The following STK38 variants were observed in gnomAD, a reference collection of about 807,000 sequenced individuals.
STK38 encodes serine/threonine-protein kinase 38.
In STK38, 26 loss-of-function variants were observed where a neutral mutation model predicts 59.0. That is an observed-to-expected ratio of 0.44 (90% CI 0.32 to 0.61). The LOEUF is 0.61. Among genes scored for constraint, STK38 ranks in the 20% least tolerant of loss-of-function variants. STK38 has a pLI of 0.04. For synonymous variants in STK38, 175 were observed against 176.6 expected (o/e 0.99, Z 0.07); for missense variants, 433 against 566.0 (o/e 0.76, Z 2.38).
At chr6:36,504,719 T>C (rs1041097221) in intron 9 of STK38, among the ~76,000 whole-genome samples, 1 of 151,362 alleles carries the variant, frequency 6.6e-6, no homozygotes, top group Non-Finnish European at 1.5e-5. Flanking sequence ...AATACGAAAA[T>C]TGTGAAATTG....
At chr6:36,545,922 G>A (rs578132211) in intron 1 of STK38, among the ~76,000 whole-genome samples, 3 of 152,288 alleles carry the variant, frequency 2.0e-5, no homozygotes, top group Non-Finnish European at 2.9e-5. Flanking sequence ...AATCTATATG[G>A]TTATGCCTGG....
chr6:36,496,012 T>C lies in STK38; in HGVS notation c.1268-98A>G, dbSNP rs557653031. 131 of 1,367,054 alleles carry C rather than the reference T, an allele frequency of 9.6e-5. 1 individual carries two copies. In the African/African-American group the frequency reaches 1.5e-3, roughly 16 times the overall value. 84.7% of individuals were successfully genotyped at this position (1,367,054 alleles called of 1,614,324 possible). A position where few individuals can be genotyped will look rare whatever the true frequency, so the allele number is the denominator to read the frequency against. ...GGACTATGAAGAACACACCAGTTTC[T>C]ATTTGGGAAAGCTTATTTTTCACTC... On this transcript the variant is annotated intron_variant, in intron 13 of 13. Transcript: ENST00000229812.
chr6:36,518,454 G>A (rs566706489), intron 5 of STK38, among the ~76,000 whole-genome samples: 33 of 152,242 alleles, frequency 2.2e-4, no homozygotes, highest in African/African-American at 7.5e-4. Context: ...TCAGAGAACC[G>A]GAATTATTTT....
intron 7 of STK38, among the ~76,000 whole-genome samples, chr6:36,514,021 G>A (rs1467615882): frequency 1.3e-5 from 2 of 151,832 alleles, no homozygotes; most frequent in African/African-American, 4.8e-5. Flanking sequence ...TGGGTGTGGT[G>A]GCGGGCGCCT....
chr6:36,504,898 C>CAAAA (rs562032331), intron 9 of STK38, among the ~76,000 whole-genome samples: 241 of 62,830 alleles, frequency 3.8e-3, no homozygotes, highest in Middle Eastern at 0.013. Flanking sequence ...TCCTGGCCTC[C>CAAAA]AAAAAAAAAA....
intron 7 of STK38, among the ~76,000 whole-genome samples, chr6:36,514,344 G>A (rs1360151209): frequency 6.6e-6 from 1 of 150,434 alleles, no homozygotes; most frequent in Admixed American, 6.6e-5. Context: ...GTTTTTCAAG[G>A]ACAGCAAAGC....
chr6:36,533,433 C>A (rs543586330), intron 2 of STK38, among the ~76,000 whole-genome samples: 9 of 152,170 alleles, frequency 5.9e-5, no homozygotes, highest in Non-Finnish European at 1.5e-5. Context: ...TCAAAAAAAG[C>A]AAAACCACCA....
intron 6 of STK38, among the ~76,000 whole-genome samples, chr6:36,517,315 CCTT>C (rs1225747169): frequency 1.3e-5 from 2 of 151,986 alleles, no homozygotes; most frequent in Non-Finnish European, 2.9e-5. Flanking sequence ...AAAATTCACT[CCTT>C]ATTAATATGT....
At chr6:36,539,963 A>G (rs547325917) in intron 2 of STK38, 109 bp downstream of exon 2, 2 of 1,523,524 alleles carry the variant, frequency 1.3e-6, no homozygotes, top group East Asian at 4.7e-5. Flanking sequence ...ATGATAGTCT[A>G]TAATAAGGCT....
chr6:36,510,207 A>T (rs1777074441), intron 7 of STK38, among the ~76,000 whole-genome samples: 1 of 152,104 alleles, frequency 6.6e-6, no homozygotes, highest in Non-Finnish European at 1.5e-5. Context: ...GCATCTACAG[A>T]CCTGCACCCA....
chr6:36,534,672 T>A (rs76469212), intron 2 of STK38, among the ~76,000 whole-genome samples: 5,115 of 151,858 alleles, frequency 0.034, 297 homozygotes, highest in African/African-American at 0.11. Context: ...AATAAAAAAA[T>A]TTTTTAACCC....
intron 4 of STK38, among the ~76,000 whole-genome samples, chr6:36,522,984 T>G (rs372573847): frequency 1.2e-4 from 18 of 152,058 alleles, no homozygotes; most frequent in African/African-American, 4.1e-4. Flanking sequence ...GATAATTTTA[T>G]GAAGAAAATT....
chr6:36,499,427 C>G (rs1004566149), intron 10 of STK38, among the ~76,000 whole-genome samples: 1 of 152,066 alleles, frequency 6.6e-6, no homozygotes, highest in African/African-American at 2.4e-5. Context: ...CATATGACCA[C>G]CCCCACAGAT....
intron 1 of STK38, among the ~76,000 whole-genome samples, chr6:36,545,709 G>C (rs1004643806): frequency 6.6e-6 from 1 of 152,130 alleles, no homozygotes; most frequent in African/African-American, 2.4e-5. Context: ...CACAATTCAA[G>C]CCTTCCTGCC....
At chr6:36,501,010 G>A (rs1218684817) in intron 9 of STK38, among the ~76,000 whole-genome samples, 2 of 151,474 alleles carry the variant, frequency 1.3e-5, no homozygotes, top group Admixed American at 6.6e-5. Context: ...CCAGGCTGGA[G>A]TGCAGTGGCA....
chr6:36,529,660 C>T (rs1460910152), intron 2 of STK38, among the ~76,000 whole-genome samples: 1 of 152,180 alleles, frequency 6.6e-6, no homozygotes, highest in Non-Finnish European at 1.5e-5. Flanking sequence ...CTTCTGAAGG[C>T]AGGGACTATA....
chr6:36,525,855 G>C (rs935090072), intron 2 of STK38, among the ~76,000 whole-genome samples: 2 of 151,840 alleles, frequency 1.3e-5, no homozygotes, highest in Non-Finnish European at 2.9e-5. Context: ...GGGGAGGGGG[G>C]CAGGTTGCGA....
chr6:36,504,898 C>CAAAAA (rs562032331), intron 9 of STK38, among the ~76,000 whole-genome samples: 18 of 64,036 alleles, frequency 2.8e-4, no homozygotes, highest in Admixed American at 7.2e-4. Flanking sequence ...TCCTGGCCTC[C>CAAAAA]AAAAAAAAAA....
rs200557190 is a variant in STK38 at position 36,521,838 on chromosome 6, T to C, written c.307-21A>G. On this transcript the variant is annotated intron_variant, in intron 4 of 13. Transcript: ENST00000229812. Reference sequence around the variant, plus strand: ...CGTACCTAAAAAGTTATAAAAGAAATGCCAAGTCAAAAACTCGTACTACCA... The same window carrying C: ...CGTACCTAAAAAGTTATAAAAGAAACGCCAAGTCAAAAACTCGTACTACCA... The C allele has an allele frequency of 1.4e-5, 22 of 1,601,194 alleles. No individual in the cohort carries two copies. The East Asian group carries it at 4.0e-4, about 29-fold the overall frequency.
Sources: gnomAD v4.1 joint callset for allele counts (sites outside exome capture counted in the v4.1 genomes callset) on GRCh38, gnomAD v4.1.1 for gene constraint, MANE v1.5 for transcripts, NCBI Gene and HGNC (gene_info 2026-07-23, HGNC 2026-07-21) for gene names.